Variants in BICC1 observed in about 807,000 individuals in gnomAD.
BICC1 encodes BicC family RNA binding protein 1.
A neutral mutation model predicts 111.0 loss-of-function variants in BICC1; 43 were observed. The ratio of observed to expected loss-of-function variants is 0.39; its 90% CI spans 0.30 to 0.50. BICC1 has a LOEUF of 0.50. Ranked by LOEUF, BICC1 falls within the 20% of genes least tolerant of loss-of-function variation. BICC1 has a pLI of 0.88. For synonymous variants in BICC1, 467 were observed against 434.4 expected (o/e 1.07, Z -0.93); for missense variants, 1,091 against 1,203.2 (o/e 0.91, Z 1.38).
chr10:58,668,169 A>G (rs1235752551), intron 2 of BICC1, among the ~76,000 whole-genome samples: 1 of 152,086 alleles, frequency 6.6e-6, no homozygotes, highest in African/African-American at 2.4e-5. Flanking sequence ...TGAATTTGGA[A>G]AGGAAAGGAA....
chr10:58,749,834 A>T (rs1841935896), intron 3 of BICC1, among the ~76,000 whole-genome samples: 1 of 152,162 alleles, frequency 6.6e-6, no homozygotes, highest in African/African-American at 2.4e-5. Flanking sequence ...AGTTAAAAAT[A>T]ATCAAAAATG....
At chr10:58,655,234 C>A (rs1274115731) in intron 2 of BICC1, among the ~76,000 whole-genome samples, 1 of 147,036 alleles carries the variant, frequency 6.8e-6, no homozygotes, top group Non-Finnish European at 1.5e-5. Flanking sequence ...TCATTCGTAG[C>A]TTTGTGGGGA....
chr10:58,553,701 GTT>G (rs962987118), intron 1 of BICC1, among the ~76,000 whole-genome samples: 1 of 151,134 alleles, frequency 6.6e-6, no homozygotes, highest in Non-Finnish European at 1.5e-5. Context: ...ATAAAGACAA[GTT>G]TTTTTTTCGG....
At chr10:58,626,877 G>T (rs1837646620) in intron 2 of BICC1, among the ~76,000 whole-genome samples, 1 of 152,148 alleles carries the variant, frequency 6.6e-6, no homozygotes, top group Non-Finnish European at 1.5e-5. Flanking sequence ...GGCCGAGGTG[G>T]GCAGATCACC....
intron 3 of BICC1, among the ~76,000 whole-genome samples, chr10:58,776,813 C>A (rs1422962384): frequency 6.6e-6 from 1 of 152,126 alleles, no homozygotes; most frequent in Non-Finnish European, 1.5e-5. Context: ...CATTTTCTTT[C>A]CTCCCCTTCC....
At chr10:58,826,741 A>G (rs1018319113) in intron 20 of BICC1, among the ~76,000 whole-genome samples, 3 of 152,224 alleles carry the variant, frequency 2.0e-5, no homozygotes, top group Admixed American at 6.5e-5. Context: ...CCTGGGCTAT[A>G]GAGCGAGACT....
chr10:58,578,855 C>T (rs906430761), intron 1 of BICC1, among the ~76,000 whole-genome samples: 3 of 152,254 alleles, frequency 2.0e-5, no homozygotes, highest in Non-Finnish European at 4.4e-5. Context: ...AATTCTCTTC[C>T]TTTGCTGCTA....
chr10:58,814,114 C>A, intron 18 of BICC1, 128 bp downstream of exon 18: 1 of 1,051,836 alleles, frequency 9.5e-7, no homozygotes, highest in Non-Finnish European at 1.5e-6. Flanking sequence ...GCCATCTCCT[C>A]TGTGAAGCCT....
chr10:58,795,092 A>G (rs1262376250), intron 9 of BICC1, among the ~76,000 whole-genome samples: 8 of 152,230 alleles, frequency 5.3e-5, no homozygotes, highest in African/African-American at 1.9e-4. Flanking sequence ...AAATGGAACA[A>G]AGTAAACAAG....
intron 6 of BICC1, 111 bp downstream of exon 6, chr10:58,788,534 A>T: frequency 1.4e-6 from 1 of 709,306 alleles, no homozygotes; most frequent in Non-Finnish European, 2.3e-6. Flanking sequence ...TTCAATCAGT[A>T]GGAAATAGTG....
intron 2 of BICC1, among the ~76,000 whole-genome samples, chr10:58,660,108 GC>G (rs1838792692): frequency 6.6e-6 from 1 of 152,154 alleles, no homozygotes; most frequent in Admixed American, 6.5e-5. Context: ...GGGTCTAGGG[GC>G]CCTTTGCTCC....
chr10:58,610,341 G>C (rs1845375048), intron 1 of BICC1, among the ~76,000 whole-genome samples: 1 of 152,064 alleles, frequency 6.6e-6, no homozygotes, highest in Non-Finnish European at 1.5e-5. Context: ...AATATTGGCA[G>C]GAAAAAGATT....
chr10:58,777,225 A>G (rs1842771828), intron 3 of BICC1, among the ~76,000 whole-genome samples: 1 of 151,890 alleles, frequency 6.6e-6, no homozygotes, highest in Non-Finnish European at 1.5e-5. Context: ...CTGATTAAGT[A>G]AACAGCTTTG....
chr10:58,680,035 A>G (rs1294197382), intron 2 of BICC1, among the ~76,000 whole-genome samples: 1 of 152,252 alleles, frequency 6.6e-6, no homozygotes, highest in East Asian at 1.9e-4. Context: ...GATGGAACGT[A>G]TCTCAAAATA....
At chr10:58,706,949 T>C (rs933935318) in intron 3 of BICC1, among the ~76,000 whole-genome samples, 15 of 152,232 alleles carry the variant, frequency 9.9e-5, no homozygotes, top group Admixed American at 9.2e-4. Context: ...GAGGTCAGCA[T>C]GAGTGAAGCT....
chr10:58,611,140 G>GATGCTTACTAATTC (rs1392897795), intron 1 of BICC1, among the ~76,000 whole-genome samples: 19 of 152,324 alleles, frequency 1.2e-4, no homozygotes, highest in Admixed American at 8.5e-4. Context: ...TGCTGTGACA[G>GATGCTTACTAATTC]ACCAGTAATG....
At chr10:58,823,804 G>A (rs1333218453) in intron 20 of BICC1, 3 of 985,094 alleles carry the variant, frequency 3.0e-6, no homozygotes, top group Middle Eastern at 5.2e-4. Flanking sequence ...GTGTACTTAA[G>A]GGGATTCATT....
At chr10:58,581,988 C>T (rs1844295173) in intron 1 of BICC1, among the ~76,000 whole-genome samples, 3 of 152,186 alleles carry the variant, frequency 2.0e-5, no homozygotes, top group South Asian at 4.2e-4. Context: ...TGTGCATATA[C>T]ATGCATATGT....
intron 2 of BICC1, among the ~76,000 whole-genome samples, chr10:58,676,568 C>CT (rs1839348385): frequency 6.6e-6 from 1 of 152,184 alleles, no homozygotes; most frequent in Non-Finnish European, 1.5e-5. Context: ...AGCTAAAACT[C>CT]TCATCTCCCT....
Sources: allele counts gnomAD v4.1 joint callset (sites outside exome capture counted in the v4.1 genomes callset), GRCh38; gene constraint gnomAD v4.1.1; transcripts MANE v1.5; gene names NCBI Gene and HGNC (gene_info 2026-07-23, HGNC 2026-07-21).